SLC24A2: variants seen among roughly 807,000 people sequenced by gnomAD.
SLC24A2 encodes the protein solute carrier family 24 member 2, also known as sodium/potassium/calcium exchanger 2.
Under a neutral mutation model 62.0 loss-of-function variants are expected in SLC24A2, and 36 were observed. That is an observed-to-expected ratio of 0.58 (90% CI 0.44 to 0.77). The LOEUF (loss-of-function observed/expected upper bound fraction) is 0.77. Among genes scored for constraint, SLC24A2 ranks in the 30% least tolerant of loss-of-function variants. The probability of loss-of-function intolerance (pLI) is 0.00; values close to 1 mark genes in which losing one functional copy is unlikely to be tolerated. For missense variants in SLC24A2, 846 were observed against 817.9 expected (o/e 1.03, Z -0.42); for synonymous variants, 358 against 294.0 (o/e 1.22, Z -2.23).
chr9:19,795,900 G>A, the SLC24A2 span, among the ~76,000 whole-genome samples: 1 of 151,474 alleles, frequency 6.6e-6, no homozygotes, highest in African/African-American at 2.4e-5. Context: ...ACTGGATTAA[G>A]CAAATGTGGC....
chr9:20,181,209 G>A, the SLC24A2 span, among the ~76,000 whole-genome samples: 1 of 149,596 alleles, frequency 6.7e-6, no homozygotes, highest in African/African-American at 2.5e-5. Context: ...ATATCCTTGG[G>A]AAATAAAAAT....
At chr9:20,211,908 T>C in the SLC24A2 span, among the ~76,000 whole-genome samples, 1 of 152,034 alleles carries the variant, frequency 6.6e-6, no homozygotes, top group African/African-American at 2.4e-5. Context: ...AAAATTAAGA[T>C]AGAAAATGAA....
chr9:20,169,382 C>A, the SLC24A2 span, among the ~76,000 whole-genome samples: 1 of 151,978 alleles, frequency 6.6e-6, no homozygotes, highest in East Asian at 1.9e-4. Flanking sequence ...AGGAATAAAT[C>A]AGGAAAGTGA....
the SLC24A2 span, among the ~76,000 whole-genome samples, chr9:20,019,778 AC>A: frequency 6.6e-6 from 1 of 152,132 alleles, no homozygotes; most frequent in African/African-American, 2.4e-5. Flanking sequence ...ATCAGAGTGA[AC>A]AGGCAACCTA....
intron 7 of SLC24A2, among the ~76,000 whole-genome samples, chr9:19,552,970 C>G (rs1451765273): frequency 1.3e-5 from 2 of 152,170 alleles, no homozygotes; most frequent in East Asian, 3.8e-4. Flanking sequence ...CAGAAATGGA[C>G]TAGGAGAAGA....
At chr9:20,140,662 G>C in the SLC24A2 span, among the ~76,000 whole-genome samples, 1 of 151,990 alleles carries the variant, frequency 6.6e-6, no homozygotes, top group African/African-American at 2.4e-5. Flanking sequence ...TTCCATATTA[G>C]CTGCTCACTG....
At chr9:19,725,620 T>A (rs1348997724) in intron 2 of SLC24A2, among the ~76,000 whole-genome samples, 2 of 152,178 alleles carry the variant, frequency 1.3e-5, no homozygotes, top group Non-Finnish European at 2.9e-5. Flanking sequence ...TGCCACTTTT[T>A]AAAGGAAATA....
chr9:19,896,212 G>A, the SLC24A2 span, among the ~76,000 whole-genome samples: 2 of 152,280 alleles, frequency 1.3e-5, no homozygotes, highest in Admixed American at 1.3e-4. Context: ...AAAAACTTCT[G>A]GATTGCCAAG....
At chr9:19,915,468 T>A in the SLC24A2 span, among the ~76,000 whole-genome samples, 3 of 152,066 alleles carry the variant, frequency 2.0e-5, no homozygotes, top group African/African-American at 7.2e-5. Flanking sequence ...AATTGTAGGG[T>A]CATACGGCAA....
chr9:20,286,944 A>G, the SLC24A2 span, among the ~76,000 whole-genome samples: 5 of 152,294 alleles, frequency 3.3e-5, no homozygotes, highest in East Asian at 9.7e-4. Context: ...ATAAGGATGT[A>G]GATGTAGATT....
At chr9:20,151,999 G>A in the SLC24A2 span, among the ~76,000 whole-genome samples, 2 of 151,802 alleles carry the variant, frequency 1.3e-5, no homozygotes, top group Non-Finnish European at 2.9e-5. Context: ...TTCATCAAAG[G>A]TAAGCGACTG....
intron 2 of SLC24A2, among the ~76,000 whole-genome samples, chr9:19,783,350 G>C (rs908708388): frequency 6.6e-6 from 1 of 152,178 alleles, no homozygotes; most frequent in African/African-American, 2.4e-5. Flanking sequence ...AACATGCTTA[G>C]TATTTTGCTT....
the SLC24A2 span, among the ~76,000 whole-genome samples, chr9:19,957,098 A>T: frequency 6.6e-6 from 1 of 152,194 alleles, no homozygotes; most frequent in South Asian, 2.1e-4. Context: ...GCAGTGATAA[A>T]CGTTCTTGTC....
chr9:19,866,021 A>G, the SLC24A2 span, among the ~76,000 whole-genome samples: 1 of 152,206 alleles, frequency 6.6e-6, no homozygotes, highest in East Asian at 1.9e-4. Context: ...TAATAATCCA[A>G]TTTAAAAATG....
At chr9:19,656,548 A>G (rs1389017738) in intron 2 of SLC24A2, among the ~76,000 whole-genome samples, 2 of 152,038 alleles carry the variant, frequency 1.3e-5, no homozygotes, top group Admixed American at 6.6e-5. Context: ...CTCCTCAAGT[A>G]TTTACTTTCT....
chr9:19,564,452 T>A (rs558724787), intron 7 of SLC24A2, among the ~76,000 whole-genome samples: 1 of 152,226 alleles, frequency 6.6e-6, no homozygotes, highest in East Asian at 1.9e-4. Context: ...CAAGGTAATA[T>A]TTGAATTGTA....
chr9:19,877,073 G>C, the SLC24A2 span, among the ~76,000 whole-genome samples: 1 of 151,840 alleles, frequency 6.6e-6, no homozygotes, highest in East Asian at 2.0e-4. Flanking sequence ...TTCTTTAGGG[G>C]ACTCATGTCT....
At chr9:20,059,823 G>T in the SLC24A2 span, among the ~76,000 whole-genome samples, 3 of 152,118 alleles carry the variant, frequency 2.0e-5, no homozygotes, top group South Asian at 6.2e-4. Context: ...TAAGTGAAAT[G>T]GAGACGAGAA....
chr9:19,646,762 C>T (rs984157834), intron 2 of SLC24A2, among the ~76,000 whole-genome samples: 3 of 152,126 alleles, frequency 2.0e-5, no homozygotes, highest in Non-Finnish European at 4.4e-5. Flanking sequence ...GTGGCTTTTA[C>T]AGCCTTAAAA....
Sources: gnomAD v4.1 joint callset for allele counts (sites outside exome capture counted in the v4.1 genomes callset) on GRCh38, gnomAD v4.1.1 for gene constraint, MANE v1.5 for transcripts, NCBI Gene and HGNC (gene_info 2026-07-23, HGNC 2026-07-21) for gene names.